AP1S1: variants seen among roughly 807,000 people sequenced by gnomAD.
The protein encoded by AP1S1 is adaptor related protein complex 1 subunit sigma 1, also known as AP-1 complex subunit sigma-1A.
A neutral mutation model predicts 23.9 loss-of-function variants in AP1S1; 13 were observed. That is an observed-to-expected ratio of 0.54 (90% CI 0.35 to 0.86). The LOEUF (loss-of-function observed/expected upper bound fraction) is 0.86. Among genes scored for constraint, AP1S1 ranks in the 40% least tolerant of loss-of-function variants. The probability of loss-of-function intolerance (pLI) is 0.01; values close to 1 mark genes in which losing one functional copy is unlikely to be tolerated. For missense variants in AP1S1, 119 were observed against 197.6 expected (o/e 0.60, Z 2.38); for synonymous variants, 84 against 77.7 (o/e 1.08, Z -0.43).
In AP1S1 at chr7:101,154,939, G is replaced by T. The variant is rs974357965; in HGVS notation, c.3+422G>T. 4 of 1,065,176 alleles carry T rather than the reference G, an allele frequency of 3.8e-6. No homozygotes were observed. The East Asian group carries it at 2.2e-4, about 59-fold the overall frequency. The allele number at this position is 1,065,176 out of a possible 1,614,324, so 66.0% of individuals were successfully genotyped here. ...ACAGGCGGGAGCGGGGACCCGGGTGGGGAGAGGGGTGTGGGAGGGGAGTTT... is the reference window on the plus strand; with the variant it reads ...ACAGGCGGGAGCGGGGACCCGGGTGTGGAGAGGGGTGTGGGAGGGGAGTTT... On this transcript the variant is annotated intron_variant, in intron 1 of 4. Transcript: ENST00000337619.
At position 101,157,407 on chromosome 7, in the gene AP1S1, C is replaced by A. The variant is rs746350848; in HGVS notation, c.213C>A (p.Ile71=). 2 of 1,580,908 alleles carry A rather than the reference C, an allele frequency of 1.3e-6. No homozygotes were observed. The highest frequency in any genetic ancestry group is 8.6e-7 in the Non-Finnish European group (1 of 1,163,394). The change falls in exon 3 of 5, where the codon ATC becomes ATA. Residue 71 remains isoleucine (I), a synonymous_variant. Coordinates refer to ENST00000337619, the MANE Select transcript of AP1S1 (RefSeq NM_001283.5). ...RYASLYFCCA[I]EGQDNELITL... ...CCAGCCTCTACTTCTGCTGCGCCAT[C>A]GAGGGCCAAGACAATGAGCTCATCA...
rs1562863955 is a variant in AP1S1, at chr7:101,157,391, A to C, written c.197A>C (p.Tyr66Ser). Residue 66 changes from tyrosine to serine, a missense_variant, in exon 3 of 5, where the codon TAC (tyrosine) becomes TCC (serine). By Grantham distance (144) the Tyr-to-Ser change is moderately radical. Transcript: ENST00000337619. ...KVVYKRYASLYFCCAIEGQDN... is the reference protein window; with the variant it reads ...KVVYKRYASLSFCCAIEGQDN... ...CCTCTCCGCAGATATGCCAGCCTCT[A>C]CTTCTGCTGCGCCATCGAGGGCCAA... The C allele has an allele frequency of 1.1e-5, 18 of 1,575,550 alleles. No homozygotes were observed. The highest frequency in any genetic ancestry group is 1.5e-5 in the Non-Finnish European group (17 of 1,160,586).
rs745669173 is a variant in AP1S1 at position 101,159,208 on chromosome 7, G to C, written c.429+12G>C. On this transcript the variant is annotated intron_variant, in intron 4 of 4. Transcript: ENST00000337619. ...ACCTACTGCAAGAGGTACGGGCCAG[G>C]GACAGTGAGGAGGAGGAGGAAGCGC... is the stretch of plus-strand genomic sequence containing the variant. 1.3e-5 allele frequency: 21 copies of C among 1,604,096 alleles called. No homozygotes were observed. The highest frequency in any genetic ancestry group is 1.7e-5 in the Admixed American group (1 of 57,798).
At chr7:101,157,278 A>G in intron 2 of AP1S1, 99 bp from the exon 3 acceptor site, 1 of 964,492 alleles carries the variant, frequency 1.0e-6, no homozygotes, top group Non-Finnish European at 1.6e-6. Flanking sequence ...GTGGCCAGCC[A>G]GGGCACAGAC....
chr7:101,159,968 A>G (rs549196644), intron 4 of AP1S1, among the ~76,000 whole-genome samples: 78 of 139,254 alleles, frequency 5.6e-4, no homozygotes, highest in African/African-American at 2.1e-3. Context: ...ACACACGCAC[A>G]CACACACACC....
At position 101,159,172 on chromosome 7, in the gene AP1S1, C is replaced by G; in HGVS notation, c.405C>G (p.Ile135Met). 1 of 1,613,000 alleles carries G rather than the reference C, an allele frequency of 6.2e-7. No individual in the cohort carries two copies. The highest frequency in any genetic ancestry group is 8.5e-7 in the Non-Finnish European group (1 of 1,179,524). Residue 135 changes from isoleucine (I) to methionine (M), a missense_variant, in exon 4 of 5, where the codon ATC becomes ATG. Ile to Met is a conservative substitution (Grantham distance 10). Transcript: ENST00000337619. Reference sequence around the variant, plus strand: ...CCAAGAAGAGTGTGCTGAAAGCCATCGAGCAGGCTGACCTACTGCAAGAGG... The same window carrying G: ...CCAAGAAGAGTGTGCTGAAAGCCATGGAGCAGGCTGACCTACTGCAAGAGG... ...DTSKKSVLKA[I>M]EQADLLQEED...
At chr7:101,154,991 T>C in intron 1 of AP1S1, 2 of 1,006,344 alleles carry the variant, frequency 2.0e-6, no homozygotes, top group Non-Finnish European at 2.4e-6. Context: ...AGCGCCCTAC[T>C]GCGTTCGTGG....
intron 4 of AP1S1, 144 bp from the exon 5 acceptor site, chr7:101,160,375 C>T (rs1000169903): frequency 2.3e-5 from 23 of 990,028 alleles, no homozygotes; most frequent in South Asian, 4.2e-5. Flanking sequence ...CTCACTGGTC[C>T]GGCCTTGGGC....
rs1172927790 is a variant in AP1S1 at position 101,156,688 on chromosome 7, G to A, written c.98G>A (p.Arg33His). The A allele has an allele frequency of 2.5e-6, 4 of 1,609,948 alleles. No homozygotes were observed. Among genetic ancestry groups the A allele is most frequent in the East Asian group, 2.2e-5 (1 of 44,780 alleles). Reference sequence around the variant, plus strand: ...GACAAGGAACGGAAGAAGATGGTGCGCGAGCTCATGCAGGTTGTCCTGGCT... The same window carrying A: ...GACAAGGAACGGAAGAAGATGGTGCACGAGCTCATGCAGGTTGTCCTGGCT... ...TSDKERKKMV[R>H]ELMQVVLARK... The change falls in exon 2 of 5, where the codon CGC (arginine) becomes CAC (histidine). Residue 33 changes from arginine (R) to histidine (H), a missense_variant. Physicochemically the swap from Arg to His is conservative, Grantham distance 29. Coordinates refer to ENST00000337619, the MANE Select transcript of AP1S1 (RefSeq NM_001283.5).
intron 4 of AP1S1, 57 bp from the exon 5 acceptor site, chr7:101,160,462 C>T: frequency 6.3e-7 from 1 of 1,593,776 alleles, no homozygotes; most frequent in Non-Finnish European, 8.5e-7. Flanking sequence ...CTGTCTTGCC[C>T]ACCCTGTCGG....
intron 1 of AP1S1, chr7:101,155,111 T>A: frequency 1.2e-6 from 1 of 827,388 alleles, no homozygotes; most frequent in Non-Finnish European, 1.5e-6. Context: ...TCTGCCCCCC[T>A]TCCCATTCTC....
chr7:101,157,260 C>T (rs887934376), intron 2 of AP1S1, 117 bp from the exon 3 acceptor site: 7 of 755,308 alleles, frequency 9.3e-6, no homozygotes, highest in Non-Finnish European at 1.5e-5. Flanking sequence ...CCTAGGGCCA[C>T]CTCACCTGTG....
rs1369536764 is a variant in AP1S1, at chr7:101,161,018, C to T, written c.*452C>T. ...TCTCTGCCTGGGAGGGGAGCCTGGA[C>T]CCCCCTCTTTCTCCTTGGCTGCAGT... is the stretch of plus-strand genomic sequence containing the variant. On this transcript the variant is annotated 3_prime_UTR_variant, in exon 5 of 5. Coordinates refer to ENST00000337619, the MANE Select transcript of AP1S1 (RefSeq NM_001283.5). 2.0e-5 allele frequency: 7 copies of T among 352,640 alleles called. No individual in the cohort carries two copies. Among genetic ancestry groups the T allele is most frequent in the South Asian group, 6.5e-5 (3 of 45,994 alleles). The allele number at this position is 352,640 out of a possible 1,614,324, so 21.8% of individuals were successfully genotyped here. A position where few individuals can be genotyped will look rare whatever the true frequency, so the allele number is the denominator to read the frequency against.
chr7:101,156,037 G>T lies in AP1S1; in HGVS notation c.4-557G>T, dbSNP rs1476186533. Among the ~76,000 whole-genome samples, 3 of 152,162 alleles carry T rather than the reference G, an allele frequency of 2.0e-5. No individual in the cohort carries two copies. In the East Asian group the frequency reaches 5.8e-4, roughly 29 times the overall value. On this transcript the variant is annotated intron_variant, in intron 1 of 4. Transcript: ENST00000337619. Reference sequence around the variant, plus strand: ...CTGAGGTCGGGAGTTCGAGACCAGGGCCTGGCCAACATGGTGAAACCACAT... The same window carrying T: ...CTGAGGTCGGGAGTTCGAGACCAGGTCCTGGCCAACATGGTGAAACCACAT...
At chr7:101,160,413 G>T (rs139132282) in intron 4 of AP1S1, 106 bp from the exon 5 acceptor site, 1 of 1,351,494 alleles carries the variant, frequency 7.4e-7, no homozygotes, top group Admixed American at 1.8e-5. Flanking sequence ...CCCCTCCCCC[G>T]TGTCTGTGCC....
intron 2 of AP1S1, 37 bp downstream of exon 2, chr7:101,156,809 A>G: frequency 6.8e-7 from 1 of 1,466,570 alleles, no homozygotes; most frequent in Non-Finnish European, 9.1e-7. Flanking sequence ...GCCTAGATTC[A>G]AGTTGGGCAG....
chr7:101,154,598 G>A (rs2116682794), intron 1 of AP1S1, 81 bp downstream of exon 1: 5 of 1,527,682 alleles, frequency 3.3e-6, no homozygotes, highest in Non-Finnish European at 4.4e-6. Flanking sequence ...GCCGCCCTCG[G>A]GGTGAACCGC....
At chr7:101,156,893 G>T in intron 2 of AP1S1, 121 bp downstream of exon 2, 242 of 645,624 alleles carry the variant, frequency 3.7e-4, no homozygotes, top group Middle Eastern at 8.8e-4. Context: ...CTGGAGGACA[G>T]TAATGAATGT....
intron 2 of AP1S1, 150 bp from the exon 3 acceptor site, chr7:101,157,227 C>G: frequency 1.7e-6 from 1 of 590,152 alleles, no homozygotes; most frequent in South Asian, 2.1e-5. Context: ...CACAAAGAGG[C>G]AGGTGAGTTA....
Sources: allele counts gnomAD v4.1 joint callset (sites outside exome capture counted in the v4.1 genomes callset), GRCh38; gene constraint gnomAD v4.1.1; transcripts MANE v1.5; gene names NCBI Gene and HGNC (gene_info 2026-07-23, HGNC 2026-07-21).